The following RTN4IP1 variants were observed in gnomAD, a reference collection of about 807,000 sequenced individuals.
RTN4IP1 encodes the protein NAD(P)H oxidoreductase RTN4IP1, mitochondrial.
A neutral mutation model predicts 46.6 loss-of-function variants in RTN4IP1; 32 were observed. That is an observed-to-expected ratio of 0.69 (90% CI 0.52 to 0.92). RTN4IP1 has a LOEUF of 0.92. Ranked by LOEUF, RTN4IP1 falls within the 40% of genes least tolerant of loss-of-function variation. The pLI, the probability that RTN4IP1 is intolerant of heterozygous loss-of-function variation, is 0.00. For missense variants in RTN4IP1, 424 were observed against 485.8 expected, an observed-to-expected ratio of 0.87 and a Z score of 1.20; for synonymous variants, 167 against 161.8, an observed-to-expected ratio of 1.03 and a Z score of -0.24.
rs1775080757 is a variant in RTN4IP1, at chr6:106,572,103, T to A, written c.1084A>T (p.Ile362Phe). The stretch of plus-strand genomic sequence containing the variant: ...AAGGTTTGTTCAATAACTGGCCGGA[T>A]CTGTAAAACATAAGAGGTTGACCGG... ...DIAELVDAGK[I>F]RPVIEQTFPF... Residue 362 changes from isoleucine (I) to phenylalanine (F), a missense_variant and splice_region_variant, in exon 9 of 9, where the codon ATC becomes TTC. By Grantham distance (21) the Ile-to-Phe change is conservative. Coordinates refer to ENST00000369063, the MANE Select transcript of RTN4IP1 (RefSeq NM_032730.5). The A allele has an allele frequency of 2.5e-6, 4 of 1,611,638 alleles. No homozygotes were observed. The highest frequency in any genetic ancestry group is 2.5e-6 in the Non-Finnish European group (3 of 1,177,906).
chr6:106,618,678 T>C (rs6923868), intron 4 of RTN4IP1, among the ~76,000 whole-genome samples: 11,364 of 152,202 alleles, frequency 0.075, 1,068 homozygotes, highest in African/African-American at 0.2. Flanking sequence ...GCTCAAGGCA[T>C]TGGGGAATCA....
chr6:106,592,386 T>C lies in RTN4IP1; in HGVS notation c.670-86A>G, dbSNP rs140397547. On this transcript the variant is annotated intron_variant, in intron 5 of 8. Transcript: ENST00000369063. ...ATTGAAAAAAAAATCATTGGCACCATGTATACATATATCAGACTAATCTCT... is the reference window on the plus strand; with the variant it reads ...ATTGAAAAAAAAATCATTGGCACCACGTATACATATATCAGACTAATCTCT... 317 of 1,350,326 alleles carry C rather than the reference T, an allele frequency of 2.3e-4. 1 individual carries two copies. In the East Asian group the frequency reaches 7.1e-3, roughly 30 times the overall value. The allele number at this position is 1,350,326 out of a possible 1,614,324, so 83.6% of individuals were successfully genotyped here. A position where few individuals can be genotyped will look rare whatever the true frequency, so the allele number is the denominator to read the frequency against.
At chr6:106,625,668 T>C (rs376949744) in intron 1 of RTN4IP1, among the ~76,000 whole-genome samples, 12 of 143,994 alleles carry the variant, frequency 8.3e-5, no homozygotes, top group African/African-American at 1.8e-4. Flanking sequence ...TTTCTTTTTT[T>C]TTTTTTTTTT....
chr6:106,617,815 G>C (rs554728855), intron 4 of RTN4IP1, among the ~76,000 whole-genome samples: 1 of 152,222 alleles, frequency 6.6e-6, no homozygotes, highest in South Asian at 2.1e-4. Flanking sequence ...TGCACATATA[G>C]TCATGCAGGC....
intron 7 of RTN4IP1, among the ~76,000 whole-genome samples, chr6:106,584,084 T>A (rs561463328): frequency 6.6e-6 from 1 of 152,210 alleles, no homozygotes; most frequent in Non-Finnish European, 1.5e-5. Context: ...ATGACCACTC[T>A]ACTGCCACTT....
intron 4 of RTN4IP1, among the ~76,000 whole-genome samples, chr6:106,615,272 TTAA>T (rs1239930211): frequency 2.0e-5 from 3 of 152,134 alleles, no homozygotes; most frequent in Non-Finnish European, 4.4e-5. Flanking sequence ...CATTTTAATT[TTAA>T]TATAAGCATA....
rs117168207 is a variant in RTN4IP1, at chr6:106,600,014, T to A, written c.669+2860A>T. Reference sequence around the variant, plus strand: ...TTTATTTATGTATTCAACTCATATTTACTGAGCCTCTGGATTGGATTCTGA... The same window carrying A: ...TTTATTTATGTATTCAACTCATATTAACTGAGCCTCTGGATTGGATTCTGA... On this transcript the variant is annotated intron_variant, in intron 5 of 8. Coordinates refer to ENST00000369063, the MANE Select transcript of RTN4IP1 (RefSeq NM_032730.5). 2.3e-4 allele frequency among the ~76,000 whole-genome samples: 35 copies of A among 152,234 alleles called. No individual in the cohort carries two copies. In the East Asian group the frequency reaches 3.7e-3, roughly 16 times the overall value.
Position 106,602,921 on chromosome 6 carries a change from C to T in RTN4IP1, c.622G>A (p.Val208Ile), listed in dbSNP as rs778221930. The change falls in exon 5 of 9, where the codon GTT becomes ATT. Residue 208 changes from valine (V) to isoleucine (I), a missense_variant and splice_region_variant. Coordinates refer to ENST00000369063, the MANE Select transcript of RTN4IP1 (RefSeq NM_032730.5). ...LNDKNCTGKR[V>I]LILGASGGVG... Reference sequence around the variant, plus strand: ...CCGCCTGAAGCGCCTAAGATTAGAACACTGAAATGCAAAGGAAACCACAAT... The same window carrying T: ...CCGCCTGAAGCGCCTAAGATTAGAATACTGAAATGCAAAGGAAACCACAAT... 1.9e-6 allele frequency: 3 copies of T among 1,600,922 alleles called. No individual in the cohort carries two copies. Among genetic ancestry groups the T allele is most frequent in the African/African-American group, 1.3e-5 (1 of 74,314 alleles).
chr6:106,610,351 A>C (rs1301360351), intron 4 of RTN4IP1, among the ~76,000 whole-genome samples: 1 of 152,198 alleles, frequency 6.6e-6, no homozygotes, highest in African/African-American at 2.4e-5. Flanking sequence ...GGTGTGAGCC[A>C]CCGCACCCGG....
intron 4 of RTN4IP1, among the ~76,000 whole-genome samples, chr6:106,606,134 C>T (rs777521652): frequency 2.6e-5 from 4 of 152,042 alleles, no homozygotes; most frequent in Non-Finnish European, 5.9e-5. Context: ...TACAAAAATC[C>T]GTAGCAGCCA....
At chr6:106,623,061 C>T in intron 1 of RTN4IP1, 92 bp from the exon 2 acceptor site, 1 of 1,214,658 alleles carries the variant, frequency 8.2e-7, no homozygotes, top group South Asian at 1.4e-5. Context: ...AATTTTAGGT[C>T]TTCAAGATGT....
intron 8 of RTN4IP1, among the ~76,000 whole-genome samples, chr6:106,580,674 A>G (rs1443364602): frequency 1.3e-5 from 2 of 150,230 alleles, no homozygotes; most frequent in African/African-American, 4.9e-5. Context: ...AGCTGAGATC[A>G]CACCACTGCA....
At chr6:106,594,918 C>T (rs1775745994) in intron 5 of RTN4IP1, among the ~76,000 whole-genome samples, 1 of 152,066 alleles carries the variant, frequency 6.6e-6, no homozygotes, top group Non-Finnish European at 1.5e-5. Context: ...CTCCTGCCCT[C>T]AGCCTCCCGA....
chr6:106,619,458 T>C, intron 3 of RTN4IP1, 132 bp from the exon 4 acceptor site: 1 of 1,035,736 alleles, frequency 9.7e-7, no homozygotes, highest in Non-Finnish European at 1.4e-6. Context: ...AGTCCACTTA[T>C]ACGTGGATTT....
At chr6:106,580,420 T>C (rs1775336668) in intron 8 of RTN4IP1, among the ~76,000 whole-genome samples, 1 of 152,070 alleles carries the variant, frequency 6.6e-6, no homozygotes, top group Non-Finnish European at 1.5e-5. Flanking sequence ...AAGCTGTCTA[T>C]TTTAATATCT....
At chr6:106,601,585 G>C (rs1396647588) in intron 5 of RTN4IP1, among the ~76,000 whole-genome samples, 1 of 151,812 alleles carries the variant, frequency 6.6e-6, no homozygotes, top group Non-Finnish European at 1.5e-5. Context: ...CTTATGTTTA[G>C]ATCTTTGATC....
At chr6:106,587,238 GT>G (rs1459876592) in intron 7 of RTN4IP1, among the ~76,000 whole-genome samples, 2 of 152,228 alleles carry the variant, frequency 1.3e-5, no homozygotes, top group Admixed American at 1.3e-4. Context: ...GACTTTAAGT[GT>G]TAAGACATGA....
chr6:106,602,981 C>G, intron 4 of RTN4IP1, 59 bp from the exon 5 acceptor site: 1 of 1,262,202 alleles, frequency 7.9e-7, no homozygotes, highest in South Asian at 1.4e-5. Context: ...ACTGGATAAA[C>G]GTTTTCAACA....
chr6:106,587,847 A>G lies in RTN4IP1; in HGVS notation c.822T>C (p.Leu274=). The G allele has an allele frequency of 6.2e-7, 1 of 1,612,768 alleles. No homozygotes were observed. The highest frequency in any genetic ancestry group is 1.3e-5 in the African/African-American group (1 of 75,006). The change falls in exon 7 of 9, where the codon CTT becomes CTC. Residue 274 remains leucine, a synonymous_variant. Transcript: ENST00000369063. ...LKSLKPFDFI[L]DNVGGSTETW... is the part of the protein sequence containing the mutation. ...TTTCAGTGGATCCGCCAACATTATC[A>G]AGGATAAAATCAAATCTGGAGAGGA...
Sources: allele counts gnomAD v4.1 joint callset (sites outside exome capture counted in the v4.1 genomes callset), GRCh38; gene constraint gnomAD v4.1.1; transcripts MANE v1.5; gene names NCBI Gene and HGNC (gene_info 2026-07-23, HGNC 2026-07-21).